SUGCT: variants seen among roughly 807,000 people sequenced by gnomAD.
The protein encoded by SUGCT is succinyl-CoA:glutarate CoA-transferase.
Under a neutral mutation model 55.0 loss-of-function variants are expected in SUGCT, and 41 were observed. The ratio of observed to expected loss-of-function variants is 0.74; its 90% CI spans 0.58 to 0.97. The LOEUF (loss-of-function observed/expected upper bound fraction) is 0.97, where lower values mean the gene tolerates loss of function less well. Ranked by LOEUF, SUGCT falls within the 50% of genes least tolerant of loss-of-function variation. The pLI is 0.00. For missense variants in SUGCT, 568 were observed against 547.8 expected, an observed-to-expected ratio of 1.04 and a Z score of -0.37; for synonymous variants, 187 against 200.4, an observed-to-expected ratio of 0.93 and a Z score of 0.56.
rs768539975 is a variant in SUGCT, at chr7:40,383,937, C to A, written c.817-65350C>A. 2.6e-5 allele frequency among the ~76,000 whole-genome samples: 4 copies of A among 152,222 alleles called. No individual in the cohort carries two copies. In the East Asian group the frequency reaches 7.7e-4, roughly 29 times the overall value. ...GCACAGATCTCCCCCCGCTGCCCCACGAAATGCTTGAAAGGTAGCTTGACT... is the reference window on the plus strand; with the variant it reads ...GCACAGATCTCCCCCCGCTGCCCCAAGAAATGCTTGAAAGGTAGCTTGACT... On this transcript the variant is annotated intron_variant, in intron 9 of 13. Coordinates refer to ENST00000335693, the MANE Select transcript of SUGCT (RefSeq NM_001193313.2).
chr7:40,828,347 A>C (rs1303741030), intron 13 of SUGCT, among the ~76,000 whole-genome samples: 1 of 152,104 alleles, frequency 6.6e-6, no homozygotes, highest in Non-Finnish European at 1.5e-5. Flanking sequence ...TCTTGTCCTG[A>C]GGGTCTGTGA....
chr7:40,347,353 A>T (rs927595950), intron 9 of SUGCT, among the ~76,000 whole-genome samples: 1 of 152,232 alleles, frequency 6.6e-6, no homozygotes, highest in Non-Finnish European at 1.5e-5. Context: ...AACCCTTGTT[A>T]TAAAGTGGCA....
At chr7:40,249,323 A>ATATATCTATATATATATC (rs1562612040) in intron 7 of SUGCT, among the ~76,000 whole-genome samples, 9 of 91,790 alleles carry the variant, frequency 9.8e-5, no homozygotes, top group Non-Finnish European at 1.7e-4. Context: ...CTATATATAT[A>ATATATCTATATATATATC]TATATATATA....
chr7:40,491,992 AAAATAAAT>A (rs10669502), intron 11 of SUGCT, among the ~76,000 whole-genome samples: 4 of 150,028 alleles, frequency 2.7e-5, no homozygotes, highest in Admixed American at 2.7e-4. Context: ...TCTGTTTCCA[AAAATAAAT>A]AAATAAATAA....
intron 6 of SUGCT, among the ~76,000 whole-genome samples, chr7:40,209,464 C>G (rs1469432024): frequency 6.6e-6 from 1 of 151,458 alleles, no homozygotes; most frequent in Non-Finnish European, 1.5e-5. Flanking sequence ...TCATTGCACT[C>G]CAGCCTGGGC....
chr7:40,641,796 G>T (rs1269372120), intron 12 of SUGCT, among the ~76,000 whole-genome samples: 2 of 152,142 alleles, frequency 1.3e-5, no homozygotes, highest in Admixed American at 1.3e-4. Context: ...TTGAACTTAT[G>T]AAAGGCTCAG....
intron 13 of SUGCT, among the ~76,000 whole-genome samples, chr7:40,844,593 C>A (rs894370963): frequency 5.3e-5 from 8 of 152,212 alleles, no homozygotes; most frequent in African/African-American, 1.9e-4. Flanking sequence ...TTTATGGGTA[C>A]AGGGTTGGGG....
intron 9 of SUGCT, among the ~76,000 whole-genome samples, chr7:40,447,836 G>T (rs1223811565): frequency 4.6e-5 from 7 of 152,078 alleles, no homozygotes; most frequent in Non-Finnish European, 1.0e-4. Context: ...GAAAAAGTAG[G>T]TGGAGATACA....
intron 12 of SUGCT, among the ~76,000 whole-genome samples, chr7:40,625,137 G>A (rs1260292576): frequency 1.3e-5 from 2 of 151,824 alleles, no homozygotes; most frequent in East Asian, 1.9e-4. Context: ...GCACATTCTC[G>A]GACCTATTCT....
chr7:40,229,389 TG>T (rs1788584326), intron 6 of SUGCT, among the ~76,000 whole-genome samples: 1 of 151,466 alleles, frequency 6.6e-6, no homozygotes, highest in African/African-American at 2.4e-5. Context: ...CATGGTGGCA[TG>T]CGCCTATAGT....
chr7:40,861,901 C>G (rs1372863793), downstream of SUGCT, among the ~76,000 whole-genome samples: 2 of 152,222 alleles, frequency 1.3e-5, no homozygotes, highest in Non-Finnish European at 2.9e-5. Flanking sequence ...TTCTGCAGTA[C>G]TTTTCCCCCA....
At chr7:40,560,537 C>A (rs1795781961) in intron 12 of SUGCT, among the ~76,000 whole-genome samples, 1 of 152,160 alleles carries the variant, frequency 6.6e-6, no homozygotes, top group South Asian at 2.1e-4. Flanking sequence ...ACTTCTGGAA[C>A]ATCTTTTAGG....
chr7:40,576,383 C>T (rs1796759780), intron 12 of SUGCT, among the ~76,000 whole-genome samples: 1 of 152,188 alleles, frequency 6.6e-6, no homozygotes, highest in Admixed American at 6.5e-5. Flanking sequence ...AAAAGGTCTG[C>T]CCTCACCAGA....
At chr7:41,037,223 T>A in the SUGCT span, among the ~76,000 whole-genome samples, 120 of 152,150 alleles carry the variant, frequency 7.9e-4, no homozygotes, top group African/African-American at 2.8e-3. Context: ...TATTTTTTAG[T>A]TTTTTCTGCC....
the SUGCT span, among the ~76,000 whole-genome samples, chr7:41,003,774 T>A: frequency 6.6e-6 from 1 of 152,198 alleles, no homozygotes; most frequent in East Asian, 1.9e-4. Context: ...ATCCCAGGTA[T>A]CCTTCTTTGT....
chr7:40,684,651 GAC>G (rs1784391533), intron 12 of SUGCT, among the ~76,000 whole-genome samples: 1 of 151,978 alleles, frequency 6.6e-6, no homozygotes, highest in Non-Finnish European at 1.5e-5. Context: ...CTGTTCCATG[GAC>G]AATGAGGATT....
intron 12 of SUGCT, among the ~76,000 whole-genome samples, chr7:40,603,423 T>C (rs1393187037): frequency 6.6e-6 from 1 of 152,232 alleles, no homozygotes; most frequent in Admixed American, 6.5e-5. Context: ...GATTACATTT[T>C]ATTGATCTCA....
At chr7:40,912,765 C>T in the SUGCT span, among the ~76,000 whole-genome samples, 2 of 72,790 alleles carry the variant, frequency 2.7e-5, no homozygotes, top group East Asian at 3.4e-4. Context: ...GGCAATTAAA[C>T]GTTTCCAAAA....
intron 8 of SUGCT, 72 bp from the exon 9 acceptor site, chr7:40,316,688 A>G: frequency 1.0e-6 from 1 of 990,110 alleles, no homozygotes; most frequent in Non-Finnish European, 1.5e-6. Context: ...TACTTTCATA[A>G]TATAACGTTC....
Sources: allele counts gnomAD v4.1 joint callset (sites outside exome capture counted in the v4.1 genomes callset), GRCh38; gene constraint gnomAD v4.1.1; transcripts MANE v1.5; gene names NCBI Gene and HGNC (gene_info 2026-07-23, HGNC 2026-07-21).